Variants in NTRK3 observed in about 807,000 individuals in gnomAD.
NTRK3 encodes the protein NT-3 growth factor receptor.
In NTRK3, 24 loss-of-function variants were observed where a neutral mutation model predicts 91.7. The ratio of observed to expected loss-of-function variants is 0.26; its 90% CI spans 0.19 to 0.37. The LOEUF (loss-of-function observed/expected upper bound fraction) is 0.37, where lower values mean the gene tolerates loss of function less well. Among genes scored for constraint, NTRK3 ranks in the 10% least tolerant of loss-of-function variants. The pLI, the probability that NTRK3 is intolerant of heterozygous loss-of-function variation, is 1.00. For synonymous variants in NTRK3, 483 were observed against 404.0 expected (o/e 1.20, Z -2.34); for missense variants, 880 against 1,068.9 (o/e 0.82, Z 2.46).
chr15:88,096,351 T>C (rs1270228201), intron 13 of NTRK3, among the ~76,000 whole-genome samples: 1 of 152,184 alleles, frequency 6.6e-6, no homozygotes, highest in African/African-American at 2.4e-5. Context: ...TAAAAGAATA[T>C]GGACTGAATC....
At chr15:88,055,938 T>C (rs1488939698) in intron 13 of NTRK3, among the ~76,000 whole-genome samples, 1 of 152,046 alleles carries the variant, frequency 6.6e-6, no homozygotes, top group Non-Finnish European at 1.5e-5. Context: ...TCGTTCCCAT[T>C]GTCACTAAGA....
intron 14 of NTRK3, among the ~76,000 whole-genome samples, chr15:87,985,829 A>T (rs1201218172): frequency 6.6e-6 from 1 of 152,130 alleles, no homozygotes; most frequent in Non-Finnish European, 1.5e-5. Context: ...AGGCTCTCAC[A>T]GCTTGTCCCT....
At chr15:88,236,301 A>C (rs1260508781) in intron 3 of NTRK3, among the ~76,000 whole-genome samples, 1 of 152,216 alleles carries the variant, frequency 6.6e-6, no homozygotes, top group Non-Finnish European at 1.5e-5. Flanking sequence ...GAATCTCACA[A>C]ACATTTTTGA....
chr15:87,870,867 A>G (rs1000324834), exon 19 of NTRK3: 3 of 226,936 alleles, frequency 1.3e-5, no homozygotes, highest in Admixed American at 5.7e-5. Context: ...GTCAGCTAGA[A>G]GTATCCCCTG....
At chr15:88,116,265 G>T (rs1460333088) in intron 13 of NTRK3, among the ~76,000 whole-genome samples, 1 of 152,154 alleles carries the variant, frequency 6.6e-6, no homozygotes, top group African/African-American at 2.4e-5. Flanking sequence ...TACCCAAAGA[G>T]GATAGAACTG....
Position 88,056,212 on chromosome 15 carries a change from T to TTTA in NTRK3, c.1397-23168_1397-23167insTAA, listed in dbSNP as rs957542698. ...TATATATATATATATATTTTTTTTT[T>TTTA]AATGTAGAACCTTGATCATATGGAA... On this transcript the variant is annotated intron_variant, in intron 13 of 18. Transcript: ENST00000394480. 8.7e-4 allele frequency among the ~76,000 whole-genome samples: 109 copies of TTTA among 125,046 alleles called. No individual in the cohort carries two copies. The East Asian group carries it at 0.02, about 23-fold the overall frequency. 82.0% of individuals were successfully genotyped at this position (125,046 alleles called of 152,430 possible). A position where few individuals can be genotyped will look rare whatever the true frequency, so the allele number is the denominator to read the frequency against.
chr15:87,932,529 C>T (rs778436589), intron 16 of NTRK3, among the ~76,000 whole-genome samples: 31 of 152,166 alleles, frequency 2.0e-4, no homozygotes, highest in Admixed American at 9.2e-4. Context: ...CCATCTCTGC[C>T]ACCTGATGAA....
At chr15:87,866,392 C>A (rs1464325807) in exon 19 of NTRK3, 1 of 174,680 alleles carries the variant, frequency 5.7e-6, no homozygotes, top group Non-Finnish European at 1.2e-5. Flanking sequence ...GGAACTATCC[C>A]CAGCATTAAA....
At position 88,015,621 on chromosome 15, in the gene NTRK3, T is replaced by C. The variant is rs571173701; in HGVS notation, c.1585+17236A>G. 4.5e-4 allele frequency among the ~76,000 whole-genome samples: 69 copies of C among 152,338 alleles called. 1 individual carries two copies. The highest frequency in any genetic ancestry group is 1.6e-3 in the African/African-American group (68 of 41,582). On this transcript the variant is annotated intron_variant, in intron 14 of 18. Transcript: ENST00000394480. ...GGTCTCTGTGGCAGGCATCTCATTA[T>C]GCTCATATCTCCAGAACTGTTTCCT...
rs1160791881 is a variant in NTRK3, at chr15:88,076,342, A to G, written c.1397-43297T>C. On this transcript the variant is annotated intron_variant, in intron 13 of 18. Coordinates refer to ENST00000394480, the Ensembl canonical transcript of NTRK3. ...CCTCCCACTGAGTCCCTCCCACAAC[A>G]TATGGGAATTATAGGAGCCACAATT... Among the ~76,000 whole-genome samples the G allele has an allele frequency of 2.6e-5, 4 of 152,132 alleles. 1 individual carries two copies. Among genetic ancestry groups the G allele is most frequent in the African/African-American group, 4.8e-5 (2 of 41,430 alleles).
intron 16 of NTRK3, chr15:87,931,079 TC>T (rs1394007345): frequency 2.7e-6 from 1 of 365,778 alleles, no homozygotes; most frequent in African/African-American, 2.1e-5. Flanking sequence ...CTTCTTACTT[TC>T]TGCTTCTTCC....
At chr15:87,927,219 TTC>T (rs1399812358) in intron 17 of NTRK3, 1 of 152,234 alleles carries the variant, frequency 6.6e-6, no homozygotes, top group African/African-American at 2.4e-5. Context: ...TTGTCTTATA[TTC>T]TCTCACAACG....
intron 3 of NTRK3, among the ~76,000 whole-genome samples, chr15:88,208,358 A>G (rs1240550820): frequency 6.6e-6 from 1 of 152,080 alleles, no homozygotes; most frequent in Admixed American, 6.6e-5. Flanking sequence ...ATACCCCTCT[A>G]AAGGGAATCA....
intron 3 of NTRK3, among the ~76,000 whole-genome samples, chr15:88,244,797 T>A (rs1414099007): frequency 6.6e-6 from 1 of 152,232 alleles, no homozygotes; most frequent in Admixed American, 6.5e-5. Flanking sequence ...TGAAGCCCCC[T>A]CTTCAGACAG....
rs74267908 is a variant in NTRK3, at chr15:88,240,053, G to GAC, written c.248+15851_248+15852dup. 0.011 allele frequency among the ~76,000 whole-genome samples: 1,656 copies of GAC among 148,952 alleles called. 19 individuals carry two copies. The highest frequency in any genetic ancestry group is 0.034 in the African/African-American group (1,376 of 40,630). On this transcript the variant is annotated intron_variant, in intron 3 of 18. Coordinates refer to ENST00000394480, the Ensembl canonical transcript of NTRK3. This position sits in a 1 kb window ranked among gnomAD's most constrained non-coding sequence, Gnocchi z 4.9. ...ATATACACACACAGCGACACACACA[G>GAC]ACACACACACACACACACACAGGAA...
intron 17 of NTRK3, among the ~76,000 whole-genome samples, chr15:87,890,465 T>A (rs1275205548): frequency 6.6e-6 from 1 of 152,178 alleles, no homozygotes; most frequent in Non-Finnish European, 1.5e-5. Context: ...TCATTCTCTT[T>A]ATTTGCTAGT....
At chr15:88,048,275 C>A (rs2080440483) in intron 13 of NTRK3, among the ~76,000 whole-genome samples, 1 of 152,044 alleles carries the variant, frequency 6.6e-6, no homozygotes, top group Non-Finnish European at 1.5e-5. Flanking sequence ...AAATTAGTGC[C>A]AATGGAAGTG....
chr15:87,873,983 G>A lies in NTRK3; in HGVS notation c.*2952C>T, dbSNP rs185215182. 1.6e-3 allele frequency: 358 copies of A among 228,832 alleles called. 1 individual carries two copies. The highest frequency in any genetic ancestry group is 9.2e-3 in the Middle Eastern group (7 of 760). 14.2% of individuals were successfully genotyped at this position (228,832 alleles called of 1,614,324 possible). A position where few individuals can be genotyped will look rare whatever the true frequency, so the allele number is the denominator to read the frequency against. On this transcript the variant is annotated 3_prime_UTR_variant, in exon 19 of 19. Transcript: ENST00000394480. ...GAGAAAAATGGCACAGTGACACAAC[G>A]TTGTCAGAATCTAAGAACTCAGAGC... is the stretch of plus-strand genomic sequence containing the variant.
chr15:88,001,705 C>T (rs530654392), intron 14 of NTRK3, among the ~76,000 whole-genome samples: 2 of 152,270 alleles, frequency 1.3e-5, no homozygotes, highest in East Asian at 3.9e-4. Flanking sequence ...TATGTCTATC[C>T]TCATGGCAGT....
Sources: gnomAD v4.1 joint callset for allele counts (sites outside exome capture counted in the v4.1 genomes callset) on GRCh38, gnomAD v4.1.1 for gene constraint, Gnocchi (gnomAD v3.1) non-coding constraint, MANE v1.5 for transcripts, NCBI Gene and HGNC (gene_info 2026-07-23, HGNC 2026-07-21) for gene names.